ACTA2: variants seen among roughly 807,000 people sequenced by gnomAD.
ACTA2 encodes the protein actin alpha 2, smooth muscle.
Under a neutral mutation model 39.5 loss-of-function variants are expected in ACTA2, and 12 were observed. That is an observed-to-expected ratio of 0.30 (90% CI 0.19 to 0.49). ACTA2 has a LOEUF of 0.49. ACTA2 is among the 20% of genes least tolerant of loss of function. The probability of loss-of-function intolerance (pLI) is 0.99; values close to 1 mark genes in which losing one functional copy is unlikely to be tolerated. For synonymous variants in ACTA2, 158 were observed against 180.6 expected (o/e 0.88, Z 1.00); for missense variants, 236 against 498.8 (o/e 0.47, Z 5.02).
chr10:88,946,961 A>G (rs1046830816), intron 3 of ACTA2: 10 of 209,634 alleles, frequency 4.8e-5, no homozygotes, highest in Non-Finnish European at 7.3e-5. Context: ...CTCGTTGTTC[A>G]ATTCCCACCT....
At chr10:88,989,174 TTAAG>T (rs1382163331) in intron 1 of ACTA2, among the ~76,000 whole-genome samples, 1 of 152,164 alleles carries the variant, frequency 6.6e-6, no homozygotes, top group African/African-American at 2.4e-5. Context: ...ATGATAAGTA[TTAAG>T]TAAGGAAGAT....
rs1846354593 is a variant in ACTA2, at chr10:88,968,163, T to C, written c.-23-19210A>G. On this transcript the variant is annotated intron_variant, in intron 1 of 4. Transcript: ENST00000415557. ...TTAACTTGTATTTTGCATATTTAATTTGTATTTAAATCGCTAAAAACTGGT... is the reference window on the plus strand; with the variant it reads ...TTAACTTGTATTTTGCATATTTAATCTGTATTTAAATCGCTAAAAACTGGT... Among the ~76,000 whole-genome samples, 3 of 152,194 alleles carry C rather than the reference T, an allele frequency of 2.0e-5. No individual in the cohort carries two copies. The South Asian group carries it at 6.2e-4, about 31-fold the overall frequency.
chr10:88,949,112 T>C (rs1846005285), intron 1 of ACTA2, among the ~76,000 whole-genome samples, 159 bp from the exon 2 acceptor site: 1 of 152,232 alleles, frequency 6.6e-6, no homozygotes, highest in South Asian at 2.1e-4. Flanking sequence ...GGAAGTACTT[T>C]AGTTACACTA....
At chr10:88,942,165 A>G (rs1406691681) in intron 4 of ACTA2, among the ~76,000 whole-genome samples, 1 of 152,200 alleles carries the variant, frequency 6.6e-6, no homozygotes, top group African/African-American at 2.4e-5. Context: ...GGCTTTGACT[A>G]ATAGTCACCA....
intron 4 of ACTA2, among the ~76,000 whole-genome samples, chr10:88,942,525 G>A (rs1316588511): frequency 6.6e-6 from 1 of 152,158 alleles, no homozygotes. Flanking sequence ...CTGGAAGACA[G>A]GACCAGCCCA....
At chr10:88,989,522 T>C (rs754990444) in intron 1 of ACTA2, 2 of 544,104 alleles carry the variant, frequency 3.7e-6, no homozygotes, top group Admixed American at 3.8e-5. Context: ...CTCATGGCAC[T>C]AACAGTCTAC....
intron 1 of ACTA2, among the ~76,000 whole-genome samples, chr10:88,951,512 AAAAG>A (rs1407022504): frequency 4.0e-5 from 6 of 151,642 alleles, no homozygotes; most frequent in Non-Finnish European, 5.9e-5. Context: ...AAAAAAAAGA[AAAAG>A]AAAAAGAAAA....
At chr10:88,939,395 A>C in intron 7 of ACTA2, 112 bp downstream of exon 7, 1 of 1,402,336 alleles carries the variant, frequency 7.1e-7, no homozygotes, top group Non-Finnish European at 1.0e-6. Context: ...TCTGGTTTAG[A>C]AATGCTTTTG....
At chr10:88,972,740 A>G (rs1405924299) in intron 1 of ACTA2, among the ~76,000 whole-genome samples, 1 of 152,170 alleles carries the variant, frequency 6.6e-6, no homozygotes, top group Non-Finnish European at 1.5e-5. Flanking sequence ...ATTATAATGT[A>G]TATTATAAGC....
At chr10:88,969,558 T>C (rs1315385069) in intron 1 of ACTA2, among the ~76,000 whole-genome samples, 1 of 152,202 alleles carries the variant, frequency 6.6e-6, no homozygotes, top group Non-Finnish European at 1.5e-5. Flanking sequence ...CAGTTTTATG[T>C]TTGCAGCATC....
Position 88,941,437 on chromosome 10 carries a change from G to A in ACTA2, c.455-47C>T, listed in dbSNP as rs556350760. 5 of 1,612,438 alleles carry A rather than the reference G, an allele frequency of 3.1e-6. No homozygotes were observed. In the East Asian group the frequency reaches 6.7e-5, roughly 22 times the overall value. On this transcript the variant is annotated intron_variant, in intron 5 of 8. Coordinates refer to ENST00000224784, the MANE Select transcript of ACTA2 (RefSeq NM_001613.4). ...TAAGTCACCATGGCAGCTGGCATGT[G>A]GTTACTTGCTGGACAAGTAGAGGGA... is the stretch of plus-strand genomic sequence containing the variant.
At position 88,943,878 on chromosome 10, in the gene ACTA2, A is replaced by C. The variant is rs1845900856; in HGVS notation, c.288T>G (p.Leu96=). The change falls in exon 4 of 9, where the codon CTT becomes CTG. Residue 96 remains leucine (L), a synonymous_variant. Coordinates refer to ENST00000224784, the MANE Select transcript of ACTA2 (RefSeq NM_001613.4). ...KIWHHSFYNE[L]RVAPEEHPTL... ...TGGGATGCTCTTCAGGGGCAACACG[A>C]AGCTCATTGTAGAAAGAGTGGTGCC... 6.2e-7 allele frequency: 1 copy of C among 1,613,916 alleles called. No individual in the cohort carries two copies. Among genetic ancestry groups the C allele is most frequent in the Non-Finnish European group, 8.5e-7 (1 of 1,179,938 alleles).
At chr10:88,947,195 C>G (rs1845967240) in intron 3 of ACTA2, 63 bp downstream of exon 3, 1 of 1,606,926 alleles carries the variant, frequency 6.2e-7, no homozygotes, top group East Asian at 2.2e-5. Flanking sequence ...GTGTGGTGTT[C>G]TGTATCAGAG....
chr10:88,971,715 C>G (rs2133324361), intron 1 of ACTA2, among the ~76,000 whole-genome samples: 1 of 152,268 alleles, frequency 6.6e-6, no homozygotes, highest in South Asian at 2.1e-4. Flanking sequence ...GGAGTCCTAG[C>G]ATGTAATGGC....
At chr10:88,976,631 G>A (rs906548829) in intron 1 of ACTA2, among the ~76,000 whole-genome samples, 4 of 152,120 alleles carry the variant, frequency 2.6e-5, no homozygotes, top group Admixed American at 2.6e-4. Context: ...ATAATCAGCA[G>A]CAATTCAATG....
At chr10:88,991,332 C>G in exon 1 of ACTA2, 1 of 334,648 alleles carries the variant, frequency 3.0e-6, no homozygotes. Flanking sequence ...CAAGCCAAGC[C>G]AAAGGTCCGC....
At chr10:88,941,594 A>G (rs1024676050) in intron 5 of ACTA2, among the ~76,000 whole-genome samples, 191 bp downstream of exon 5, 2 of 152,198 alleles carry the variant, frequency 1.3e-5, no homozygotes, top group African/African-American at 4.8e-5. Flanking sequence ...GGAAAACAGT[A>G]GAAAAAAGTT....
upstream of ACTA2, among the ~76,000 whole-genome samples, chr10:88,955,163 T>A (rs751072064): frequency 6.6e-6 from 1 of 152,144 alleles, no homozygotes; most frequent in Non-Finnish European, 1.5e-5. Flanking sequence ...TCTGCAAACA[T>A]CATGCACCAT....
Position 88,990,489 on chromosome 10 carries a change from C to T in ACTA2, c.-24+450G>A, listed in dbSNP as rs992028982. 3 of 562,112 alleles carry T rather than the reference C, an allele frequency of 5.3e-6. No homozygotes were observed. Among genetic ancestry groups the T allele is most frequent in the Non-Finnish European group, 1.0e-5 (3 of 295,816 alleles). 34.8% of individuals were successfully genotyped at this position (562,112 alleles called of 1,614,324 possible). A position where few individuals can be genotyped will look rare whatever the true frequency, so the allele number is the denominator to read the frequency against. On this transcript the variant is annotated intron_variant, in intron 1 of 4. Coordinates refer to the ACTA2 transcript ENST00000415557. The surrounding 1 kb of genome is among the most constrained non-coding windows in gnomAD (Gnocchi z 4.9). ...CCCGGGACAGGAATGCCCATTTGTGCAACGAACCCTGACTCCTTCCTCACC... is the reference window on the plus strand; with the variant it reads ...CCCGGGACAGGAATGCCCATTTGTGTAACGAACCCTGACTCCTTCCTCACC...
Sources: gnomAD v4.1 joint callset for allele counts (sites outside exome capture counted in the v4.1 genomes callset) on GRCh38, gnomAD v4.1.1 for gene constraint, Gnocchi (gnomAD v3.1) non-coding constraint, MANE v1.5 for transcripts, NCBI Gene and HGNC (gene_info 2026-07-23, HGNC 2026-07-21) for gene names.